The following BANK1 variants were observed in gnomAD, a reference collection of about 807,000 sequenced individuals.
BANK1 encodes the protein B cell scaffold protein with ankyrin repeats 1.
BANK1 carries 95 observed loss-of-function variants against 94.5 expected under a neutral mutation model. That is an observed-to-expected ratio of 1.00 (90% CI 0.85 to 1.19). The LOEUF is 1.19. Ranked by LOEUF, BANK1 falls within the 50% of genes most tolerant of loss-of-function variation. BANK1 has a pLI of 0.00. For synonymous variants in BANK1, 334 were observed against 308.4 expected, an observed-to-expected ratio of 1.08 and a Z score of -0.87; for missense variants, 987 against 932.2, an observed-to-expected ratio of 1.06 and a Z score of -0.77.
Position 101,805,145 on chromosome 4 carries a change from C to A in BANK1, c.70+14195C>A, listed in dbSNP as rs889887342. On this transcript the variant is annotated intron_variant, in intron 1 of 16. Coordinates refer to ENST00000322953, the MANE Select transcript of BANK1 (RefSeq NM_017935.5). ...ACTATTTGACTGCAGTGGCTATAAA[C>A]AGATTTTTTTCATGTTAGAAATGTT... 2.0e-5 allele frequency among the ~76,000 whole-genome samples: 3 copies of A among 152,064 alleles called. No homozygotes were observed. In the South Asian group the frequency reaches 6.2e-4, roughly 32 times the overall value.
At chr4:101,933,578 T>C (rs781145982) in intron 7 of BANK1, among the ~76,000 whole-genome samples, 6 of 151,574 alleles carry the variant, frequency 4.0e-5, no homozygotes, top group African/African-American at 7.3e-5. Flanking sequence ...TATTTTAAAA[T>C]ATAATTTAGC....
At chr4:101,957,994 G>A (rs575302538) in intron 7 of BANK1, among the ~76,000 whole-genome samples, 1 of 151,970 alleles carries the variant, frequency 6.6e-6, no homozygotes, top group Middle Eastern at 3.4e-3. Flanking sequence ...ATAGGTGCCT[G>A]CCACCACGTC....
At chr4:101,898,069 C>T (rs1722152685) in intron 6 of BANK1, among the ~76,000 whole-genome samples, 2 of 151,792 alleles carry the variant, frequency 1.3e-5, no homozygotes, top group Non-Finnish European at 1.5e-5. Context: ...TATTGCATAA[C>T]AGATGTCATA....
intron 7 of BANK1, among the ~76,000 whole-genome samples, chr4:102,014,971 A>G (rs1291899738): frequency 2.0e-5 from 3 of 152,060 alleles, no homozygotes; most frequent in African/African-American, 7.2e-5. Context: ...GACTTATGTA[A>G]TTATGTCATC....
intron 7 of BANK1, among the ~76,000 whole-genome samples, chr4:101,996,962 C>A (rs189869492): frequency 4.6e-5 from 7 of 152,182 alleles, no homozygotes; most frequent in African/African-American, 1.4e-4. Context: ...ACTTCCAATA[C>A]TATATTGAAT....
Position 101,799,054 on chromosome 4 carries a change from G to A in BANK1, c.70+8104G>A, listed in dbSNP as rs564885818. 1.1e-3 allele frequency among the ~76,000 whole-genome samples: 175 copies of A among 152,194 alleles called. 1 individual carries two copies. The highest frequency in any genetic ancestry group is 3.8e-3 in the African/African-American group (157 of 41,526). ...CCTTGCCCATGCCTATGTCCTGAAT[G>A]GTATTGCCTAGGTTTTCTTCTCAGG... On this transcript the variant is annotated intron_variant, in intron 1 of 16. Transcript: ENST00000322953.
At chr4:102,009,354 C>T (rs1462801889) in intron 7 of BANK1, among the ~76,000 whole-genome samples, 1 of 152,192 alleles carries the variant, frequency 6.6e-6, no homozygotes, top group Non-Finnish European at 1.5e-5. Flanking sequence ...CTATACTCTC[C>T]CACGTCCACA....
At chr4:101,806,681 C>A (rs993880114) in intron 1 of BANK1, among the ~76,000 whole-genome samples, 1 of 152,126 alleles carries the variant, frequency 6.6e-6, no homozygotes, top group Non-Finnish European at 1.5e-5. Context: ...CTGATCTGAA[C>A]AAAAACACTG....
intron 2 of BANK1, among the ~76,000 whole-genome samples, chr4:101,846,775 C>T (rs1395855011): frequency 6.6e-6 from 1 of 152,142 alleles, no homozygotes; most frequent in African/African-American, 2.4e-5. Flanking sequence ...TACCAGATTC[C>T]TCCCTTAACA....
chr4:102,065,324 A>C (rs1370432950), intron 13 of BANK1, among the ~76,000 whole-genome samples: 1 of 152,188 alleles, frequency 6.6e-6, no homozygotes, highest in Non-Finnish European at 1.5e-5. Context: ...GGCTGACTGA[A>C]TCTACAAACT....
chr4:101,886,663 C>G (rs781403688), intron 5 of BANK1, among the ~76,000 whole-genome samples: 3 of 151,208 alleles, frequency 2.0e-5, no homozygotes, highest in Non-Finnish European at 4.4e-5. Flanking sequence ...TTGTCTCTTA[C>G]ATTATGAATG....
chr4:101,839,364 G>T (rs1433062641), intron 2 of BANK1, among the ~76,000 whole-genome samples: 1 of 152,100 alleles, frequency 6.6e-6, no homozygotes, highest in Non-Finnish European at 1.5e-5. Flanking sequence ...GACAGTAAGA[G>T]AAATATTAAG....
At chr4:102,009,507 C>A (rs1726413406) in intron 7 of BANK1, among the ~76,000 whole-genome samples, 1 of 152,176 alleles carries the variant, frequency 6.6e-6, no homozygotes, top group Non-Finnish European at 1.5e-5. Flanking sequence ...AAAATGTTGT[C>A]AGCTGTCTCT....
At chr4:102,049,285 T>A (rs1253394693) in intron 11 of BANK1, among the ~76,000 whole-genome samples, 2 of 152,244 alleles carry the variant, frequency 1.3e-5, no homozygotes, top group Non-Finnish European at 2.9e-5. Flanking sequence ...GTTGAAAGAA[T>A]TTAAGGGCTC....
intron 7 of BANK1, among the ~76,000 whole-genome samples, chr4:101,930,458 G>A (rs1444898470): frequency 6.6e-6 from 1 of 151,382 alleles, no homozygotes; most frequent in Non-Finnish European, 1.5e-5. Context: ...GATAAACAAG[G>A]GAGGGAGTGT....
In BANK1 at chr4:101,979,228, G is replaced by A. The variant is rs181239569; in HGVS notation, c.1207-42286G>A. On this transcript the variant is annotated intron_variant, in intron 7 of 16. Coordinates refer to ENST00000322953, the MANE Select transcript of BANK1 (RefSeq NM_017935.5). ...AATGGTAGCATTGTTATATTTCACT[G>A]CAGCAAAGGCTTTCTTAAGAAAAAA... 6.5e-3 allele frequency among the ~76,000 whole-genome samples: 990 copies of A among 151,966 alleles called. 11 individuals are homozygous for A. Among genetic ancestry groups the A allele is most frequent in the African/African-American group, 0.022 (920 of 41,518 alleles).
At chr4:101,874,790 T>C (rs958812693) in intron 5 of BANK1, among the ~76,000 whole-genome samples, 1 of 152,212 alleles carries the variant, frequency 6.6e-6, no homozygotes, top group Non-Finnish European at 1.5e-5. Context: ...CTTTAATGCA[T>C]GAACACTGTG....
At position 101,908,118 on chromosome 4, in the gene BANK1, A is replaced by G. The variant is rs1722525018; in HGVS notation, c.1010-9875A>G. On this transcript the variant is annotated intron_variant, in intron 6 of 16. Coordinates refer to ENST00000322953, the MANE Select transcript of BANK1 (RefSeq NM_017935.5). The stretch of plus-strand genomic sequence containing the variant: ...GCCAAGTCAATCCTAAACCAAATGA[A>G]CAAAGCCGGAGGCATCACACTACCT... Among the ~76,000 whole-genome samples the G allele has an allele frequency of 2.6e-5, 4 of 152,348 alleles. No homozygotes were observed. The South Asian group carries it at 8.3e-4, about 32-fold the overall frequency.
chr4:101,896,749 T>A (rs1722094219), intron 6 of BANK1, among the ~76,000 whole-genome samples: 1 of 151,826 alleles, frequency 6.6e-6, no homozygotes, highest in South Asian at 2.1e-4. Flanking sequence ...AACTTGGTGG[T>A]AGTGATTATA....
Sources: allele counts gnomAD v4.1 joint callset (sites outside exome capture counted in the v4.1 genomes callset), GRCh38; gene constraint gnomAD v4.1.1; transcripts MANE v1.5; gene names NCBI Gene and HGNC (gene_info 2026-07-23, HGNC 2026-07-21).